SUSD4: variants seen among roughly 807,000 people sequenced by gnomAD.
SUSD4 encodes sushi domain-containing protein 4.
A neutral mutation model predicts 50.5 loss-of-function variants in SUSD4; 41 were observed. The ratio of observed to expected loss-of-function variants is 0.81; its 90% CI spans 0.63 to 1.05. The LOEUF is 1.05. Ranked by LOEUF, SUSD4 falls within the 50% of genes least tolerant of loss-of-function variation. SUSD4 has a pLI of 0.00. For missense variants in SUSD4, 580 were observed against 634.7 expected (o/e 0.91, Z 0.93); for synonymous variants, 257 against 257.3 (o/e 1.00, Z 0.01).
chr1:223,330,117 T>C (rs1667097095), intron 2 of SUSD4, among the ~76,000 whole-genome samples: 1 of 152,210 alleles, frequency 6.6e-6, no homozygotes, highest in African/African-American at 2.4e-5. Flanking sequence ...CCTCTCCTTT[T>C]GTATTTCTTT....
At chr1:223,317,669 T>G (rs1308692864) in intron 2 of SUSD4, among the ~76,000 whole-genome samples, 1 of 152,078 alleles carries the variant, frequency 6.6e-6, no homozygotes, top group Non-Finnish European at 1.5e-5. Context: ...AAATGGTCTT[T>G]GCCAACAGTT....
intron 5 of SUSD4, among the ~76,000 whole-genome samples, chr1:223,241,334 A>T (rs1006785274): frequency 6.6e-6 from 1 of 152,180 alleles, no homozygotes; most frequent in Non-Finnish European, 1.5e-5. Context: ...GCCCCCCATG[A>T]CTGGGTGCCC....
At chr1:223,314,535 T>G (rs1666066616) in intron 2 of SUSD4, among the ~76,000 whole-genome samples, 1 of 152,176 alleles carries the variant, frequency 6.6e-6, no homozygotes, top group South Asian at 2.1e-4. Flanking sequence ...GGTTTGGCTG[T>G]GTCCCCATCC....
At chr1:223,222,957 C>G (rs555514478) in intron 8 of SUSD4, among the ~76,000 whole-genome samples, 1 of 152,334 alleles carries the variant, frequency 6.6e-6, no homozygotes, top group South Asian at 2.1e-4. Flanking sequence ...AAATGAAGCA[C>G]CGGCCACTGC....
chr1:223,279,448 G>A (rs1440274211), intron 3 of SUSD4, among the ~76,000 whole-genome samples: 8 of 152,170 alleles, frequency 5.3e-5, no homozygotes, highest in South Asian at 2.1e-4. Flanking sequence ...TAGCCGATTC[G>A]ATCAACTGGA....
intron 3 of SUSD4, among the ~76,000 whole-genome samples, chr1:223,282,102 G>A (rs1278036371): frequency 6.6e-6 from 1 of 152,198 alleles, no homozygotes; most frequent in African/African-American, 2.4e-5. Context: ...AATAATAAGA[G>A]CTATTTATGA....
chr1:223,339,950 C>T (rs948185445), intron 2 of SUSD4, among the ~76,000 whole-genome samples: 1 of 152,174 alleles, frequency 6.6e-6, no homozygotes, highest in African/African-American at 2.4e-5. Flanking sequence ...GCTCTCATTC[C>T]ACCGGCTCCG....
At chr1:223,239,674 C>T (rs1276486985) in intron 5 of SUSD4, among the ~76,000 whole-genome samples, 2 of 151,734 alleles carry the variant, frequency 1.3e-5, no homozygotes, top group Non-Finnish European at 2.9e-5. Flanking sequence ...CTTTTTCATC[C>T]CTTGTACCAT....
At chr1:223,355,237 C>A (rs962894880) in intron 2 of SUSD4, among the ~76,000 whole-genome samples, 27 of 152,216 alleles carry the variant, frequency 1.8e-4, no homozygotes, top group African/African-American at 6.3e-4. Context: ...CCATGCCCAG[C>A]TAATTTTTGT....
chr1:223,238,034 G>T (rs2103016497), intron 5 of SUSD4, among the ~76,000 whole-genome samples: 1 of 152,012 alleles, frequency 6.6e-6, no homozygotes, highest in Admixed American at 6.5e-5. Context: ...ATAGATATAG[G>T]CCTATTCAGA....
At position 223,281,466 on chromosome 1, in the gene SUSD4, G is replaced by A. The variant is rs1467141161; in HGVS notation, c.361+10973C>T. ...CAGAGAATACTATAAACAACTCTAC[G>A]CAAATAAACTTGAAAATCTAGAAGA... On this transcript the variant is annotated intron_variant, in intron 3 of 8. Coordinates refer to ENST00000366878, the MANE Select transcript of SUSD4 (RefSeq NM_017982.4). Among the ~76,000 whole-genome samples the A allele has an allele frequency of 3.9e-5, 6 of 152,258 alleles. No homozygotes were observed. In the East Asian group the frequency reaches 5.8e-4, roughly 15 times the overall value.
At chr1:223,257,674 T>G (rs534003921) in intron 5 of SUSD4, among the ~76,000 whole-genome samples, 1 of 152,254 alleles carries the variant, frequency 6.6e-6, no homozygotes, top group Non-Finnish European at 1.5e-5. Context: ...TCATTTCCCA[T>G]GTGCTACTTC....
intron 5 of SUSD4, among the ~76,000 whole-genome samples, chr1:223,261,136 T>C (rs932646225): frequency 3.3e-5 from 5 of 152,118 alleles, no homozygotes; most frequent in African/African-American, 1.2e-4. Context: ...TAACGGGCAT[T>C]GTGGGGCGGC....
chr1:223,263,336 C>G (rs1662253203), intron 5 of SUSD4, among the ~76,000 whole-genome samples: 1 of 152,182 alleles, frequency 6.6e-6, no homozygotes, highest in Non-Finnish European at 1.5e-5. Flanking sequence ...ATTCAAGACA[C>G]TCAGTTATTA....
chr1:223,298,476 G>A (rs1399076028), intron 2 of SUSD4, among the ~76,000 whole-genome samples: 1 of 152,086 alleles, frequency 6.6e-6, no homozygotes, highest in Non-Finnish European at 1.5e-5. Context: ...TCCCTCTCCA[G>A]TATGGGGGGC....
intron 2 of SUSD4, among the ~76,000 whole-genome samples, chr1:223,294,251 G>A (rs539283196): frequency 6.6e-6 from 1 of 152,306 alleles, no homozygotes; most frequent in African/African-American, 2.4e-5. Context: ...CTGGTGCCAG[G>A]ACAGGCTGGA....
chr1:223,235,959 A>G lies in SUSD4; in HGVS notation c.725-6571T>C, dbSNP rs1660193479. 2.6e-5 allele frequency among the ~76,000 whole-genome samples: 4 copies of G among 152,246 alleles called. No individual in the cohort carries two copies. In the South Asian group the frequency reaches 8.3e-4, roughly 32 times the overall value. On this transcript the variant is annotated intron_variant, in intron 5 of 8. Coordinates refer to ENST00000366878, the MANE Select transcript of SUSD4 (RefSeq NM_017982.4). ...TCAAACTGTCTTCCAAAGTGGTTAT[A>G]TCCCTTTGCATTCCTGCCAGCAACA... is the stretch of plus-strand genomic sequence containing the variant.
At chr1:223,317,590 C>T (rs1666278422) in intron 2 of SUSD4, among the ~76,000 whole-genome samples, 1 of 152,116 alleles carries the variant, frequency 6.6e-6, no homozygotes, top group African/African-American at 2.4e-5. Context: ...TGTGTCTCAA[C>T]CTGGTCCTGG....
At chr1:223,250,363 AC>A (rs1661217368) in intron 5 of SUSD4, among the ~76,000 whole-genome samples, 1 of 152,188 alleles carries the variant, frequency 6.6e-6, no homozygotes, top group Admixed American at 6.5e-5. Flanking sequence ...TTTCACAAGA[AC>A]GTACTATGAG....
Sources: gnomAD v4.1 joint callset for allele counts (sites outside exome capture counted in the v4.1 genomes callset) on GRCh38, gnomAD v4.1.1 for gene constraint, MANE v1.5 for transcripts, NCBI Gene and HGNC (gene_info 2026-07-23, HGNC 2026-07-21) for gene names.